Variants in GRM4 observed in about 807,000 individuals in gnomAD.
The protein encoded by GRM4 is metabotropic glutamate receptor 4.
GRM4 carries 28 observed loss-of-function variants against 81.7 expected under a neutral mutation model. The observed-to-expected ratio is 0.34, with a 90% CI of 0.25 to 0.47. The LOEUF is 0.47. Ranked by LOEUF, GRM4 falls within the 20% of genes least tolerant of loss-of-function variation. The pLI is 1.00. For synonymous variants in GRM4, 488 were observed against 528.8 expected, an observed-to-expected ratio of 0.92 and a Z score of 1.06; for missense variants, 948 against 1,290.0, an observed-to-expected ratio of 0.73 and a Z score of 4.06.
rs894468266 is a variant in GRM4, at chr6:34,035,680, C to A, written c.2430G>T (p.Gln810His). The A allele has an allele frequency of 3.2e-6, 5 of 1,577,552 alleles. No individual in the cohort carries two copies. Among genetic ancestry groups the A allele is most frequent in the Non-Finnish European group, 4.3e-6 (5 of 1,153,794 alleles). ...CCCCACCACTCACCTTGTCGGCCGA[C>A]TGCGAGGTGCCAAAGAAGATGGGGA... The part of the protein sequence containing the change: ...AFIPIFFGTS[Q>H]SADKLYIQTT... The change falls in exon 9 of 11, where the codon CAG becomes CAT. Residue 810 changes from glutamine to histidine, a missense_variant. Coordinates refer to ENST00000538487, the MANE Select transcript of GRM4 (RefSeq NM_000841.4). The surrounding 1 kb of genome is among the most constrained non-coding windows in gnomAD (Gnocchi z 6.6).
Position 34,075,164 on chromosome 6 carries a change from C to T in GRM4, c.737-13136G>A, listed in dbSNP as rs1464741806. Among the ~76,000 whole-genome samples, 4 of 151,854 alleles carry T rather than the reference C, an allele frequency of 2.6e-5. No homozygotes were observed. The Admixed American group carries it at 2.6e-4, about 10-fold the overall frequency. ...CAGCCTGACTGCATGGCTCTGTCCCCGCCTCAGGCCACGGTCAAGGCCGGG... is the reference window on the plus strand; with the variant it reads ...CAGCCTGACTGCATGGCTCTGTCCCTGCCTCAGGCCACGGTCAAGGCCGGG... On this transcript the variant is annotated intron_variant, in intron 3 of 10. Transcript: ENST00000538487.
At chr6:34,134,125 T>C (rs1387336989) in intron 1 of GRM4, among the ~76,000 whole-genome samples, 1 of 151,728 alleles carries the variant, frequency 6.6e-6, no homozygotes, top group Admixed American at 6.6e-5. Flanking sequence ...GAGAGCACAA[T>C]CCCCAGGAAC....
chr6:34,023,288 T>C (rs1057105048), intron 10 of GRM4, among the ~76,000 whole-genome samples: 2 of 152,262 alleles, frequency 1.3e-5, no homozygotes, highest in Non-Finnish European at 2.9e-5. Context: ...AACCTTTTTT[T>C]ATGACATCAT....
rs114256640 is a variant in GRM4, at chr6:34,096,602, G to A, written c.520-4503C>T. Among the ~76,000 whole-genome samples the A allele has an allele frequency of 5.2e-3, 792 of 152,366 alleles. 10 individuals are homozygous for A. Among genetic ancestry groups the A allele is most frequent in the African/African-American group, 0.017 (704 of 41,582 alleles). ...CCAAACACTAGTCAATACCCACTGC[G>A]TTCTGGGAGACATCAGCAGAGACAG... On this transcript the variant is annotated intron_variant, in intron 2 of 10. Transcript: ENST00000538487.
intron 2 of GRM4, among the ~76,000 whole-genome samples, chr6:34,098,269 G>A (rs753827864): frequency 2.3e-4 from 35 of 152,234 alleles, no homozygotes; most frequent in Non-Finnish European, 4.0e-4. Context: ...TGAGGAAGCT[G>A]AGGCTTGGAG....
rs116572225 is a variant in GRM4, at chr6:34,124,804, C to G, written c.519+8174G>C. On this transcript the variant is annotated intron_variant, in intron 2 of 10. Transcript: ENST00000538487. ...GACAAAGTGAGTTCCAGATGGGAGA[C>G]AGAAAGCCAGAAGCCAGCACTCATG... 5.6e-3 allele frequency among the ~76,000 whole-genome samples: 846 copies of G among 152,184 alleles called. 6 individuals are homozygous for G. Among genetic ancestry groups the G allele is most frequent in the African/African-American group, 0.019 (793 of 41,522 alleles).
chr6:34,093,346 C>T (rs535415818), intron 2 of GRM4, among the ~76,000 whole-genome samples: 2 of 152,348 alleles, frequency 1.3e-5, no homozygotes, highest in East Asian at 3.9e-4. Flanking sequence ...GAGGTTCTGC[C>T]GACCTAGAAG....
chr6:34,053,896 G>A (rs1765732186), intron 6 of GRM4, among the ~76,000 whole-genome samples: 1 of 152,222 alleles, frequency 6.6e-6, no homozygotes, highest in Non-Finnish European at 1.5e-5. Context: ...AAAAATCCAC[G>A]GCCTAGGCCC....
rs1329824246 is a variant in GRM4, at chr6:34,090,562, T to C, written c.736+1321A>G. Reference sequence around the variant, plus strand: ...GGAGTGGAGTCCTGTTCACCTCTGCTTCCTTTTGCTCTGCCAGGCTGCAGA... The same window carrying C: ...GGAGTGGAGTCCTGTTCACCTCTGCCTCCTTTTGCTCTGCCAGGCTGCAGA... On this transcript the variant is annotated intron_variant, in intron 3 of 10. Coordinates refer to ENST00000538487, the MANE Select transcript of GRM4 (RefSeq NM_000841.4). This position sits in a 1 kb window ranked among gnomAD's most constrained non-coding sequence, Gnocchi z 5.2. 6.6e-6 allele frequency among the ~76,000 whole-genome samples: 1 copy of C among 152,052 alleles called. No individual in the cohort carries two copies.
rs143676038 is a variant in GRM4, at chr6:34,064,076, A to G, written c.737-2048T>C. On this transcript the variant is annotated intron_variant, in intron 3 of 10. Transcript: ENST00000538487. This position sits in a 1 kb window ranked among gnomAD's most constrained non-coding sequence, Gnocchi z 4.4. ...CAAGCTTCGTTTTGCTGGTGAAGGA[A>G]GGATTAGGTGACCACGGCTCAGTCA... 4.6e-5 allele frequency among the ~76,000 whole-genome samples: 7 copies of G among 152,258 alleles called. No homozygotes were observed. In the East Asian group the frequency reaches 1.4e-3, roughly 29 times the overall value.
At chr6:34,125,283 A>G (rs1424670538) in intron 2 of GRM4, among the ~76,000 whole-genome samples, 1 of 152,184 alleles carries the variant, frequency 6.6e-6, no homozygotes, top group Non-Finnish European at 1.5e-5. Context: ...TTGCCCATCC[A>G]GTCACCGCAC....
chr6:34,088,135 T>G (rs1768010661), intron 3 of GRM4, among the ~76,000 whole-genome samples: 1 of 152,044 alleles, frequency 6.6e-6, no homozygotes, highest in African/African-American at 2.4e-5. Flanking sequence ...TCACTCCTTT[T>G]TTTTTAAGAC....
intron 3 of GRM4, among the ~76,000 whole-genome samples, chr6:34,067,095 G>A (rs1468336218): frequency 3.3e-5 from 5 of 152,184 alleles, no homozygotes; most frequent in African/African-American, 9.6e-5. Flanking sequence ...CCAGCCCTCC[G>A]CTGGTGTGAG....
intron 9 of GRM4, among the ~76,000 whole-genome samples, chr6:34,032,108 C>A (rs757437995): frequency 6.6e-6 from 1 of 152,176 alleles, no homozygotes; most frequent in Non-Finnish European, 1.5e-5. Flanking sequence ...CATCTGCACA[C>A]TTGTGTGCAC....
intron 1 of GRM4, among the ~76,000 whole-genome samples, chr6:34,141,667 G>A (rs745823480): frequency 6.6e-6 from 1 of 151,094 alleles, no homozygotes; most frequent in Non-Finnish European, 1.5e-5. Flanking sequence ...ACAGTCTCTC[G>A]GGCCTGCAGT....
chr6:34,033,388 G>C (rs1416657066), intron 9 of GRM4, among the ~76,000 whole-genome samples: 2 of 151,872 alleles, frequency 1.3e-5, no homozygotes, highest in Admixed American at 1.3e-4. Flanking sequence ...AGAGCTGCAG[G>C]GGGGAAGGGT....
rs35768744 is a variant in GRM4, at chr6:34,040,663, G to A, written c.1254C>T (p.His418=). 1,069 of 1,613,986 alleles carry A rather than the reference G, an allele frequency of 6.6e-4. 6 individuals are homozygous for A. In the African/African-American group the frequency reaches 0.012, roughly 18 times the overall value. The part of the protein sequence containing the change: ...FVIDAVYAMG[H]ALHAMHRDLC... ...GGTCACGGTGCATGGCGTGCAGCGC[G>A]TGGCCCATGGCGTACACGGCATCGA... Residue 418 remains histidine (H), a synonymous_variant, in exon 7 of 11, where the codon CAC becomes CAT. Transcript: ENST00000538487.
rs142881575 is a variant in GRM4 at position 34,119,498 on chromosome 6, A to T, written c.519+13480T>A. Among the ~76,000 whole-genome samples the T allele has an allele frequency of 1.1e-3, 164 of 152,334 alleles. 1 individual carries two copies. The highest frequency in any genetic ancestry group is 2.2e-3 in the Admixed American group (33 of 15,308). ...GCCTCCTTCTGGGCATGTCCTGCAG[A>T]GGTGGAGGTGTCACAGGGCACCACG... On this transcript the variant is annotated intron_variant, in intron 2 of 10. Coordinates refer to ENST00000538487, the MANE Select transcript of GRM4 (RefSeq NM_000841.4).
At chr6:34,154,975 C>T in intron 1 of GRM4, 2 of 947,586 alleles carry the variant, frequency 2.1e-6, no homozygotes, top group Non-Finnish European at 2.9e-6. Flanking sequence ...GGGCCTGGGG[C>T]GGGTCCGAGC....
Sources: allele counts gnomAD v4.1 joint callset (sites outside exome capture counted in the v4.1 genomes callset), GRCh38; gene constraint gnomAD v4.1.1; non-coding constraint Gnocchi (gnomAD v3.1); transcripts MANE v1.5; gene names NCBI Gene and HGNC (gene_info 2026-07-23, HGNC 2026-07-21).